Variants in RBM20 observed in about 807,000 individuals in gnomAD.
RBM20 encodes the protein RNA binding motif protein 20, also known as RNA-binding protein 20.
A neutral mutation model predicts 110.1 loss-of-function variants in RBM20; 51 were observed. The observed-to-expected ratio is 0.46, with a 90% CI of 0.37 to 0.59. The LOEUF is 0.59. RBM20 is among the 20% of genes least tolerant of loss of function. The pLI is 0.00. For synonymous variants in RBM20, 589 were observed against 618.2 expected, an observed-to-expected ratio of 0.95 and a Z score of 0.70; for missense variants, 1,512 against 1,574.9, an observed-to-expected ratio of 0.96 and a Z score of 0.68.
chr10:110,801,150 C>T (rs942036922), intron 7 of RBM20, among the ~76,000 whole-genome samples: 9 of 152,104 alleles, frequency 5.9e-5, no homozygotes, highest in East Asian at 1.9e-4. Flanking sequence ...AGTTTTCGGC[C>T]GGGCGTGGTG....
chr10:110,818,337 C>T (rs973008390), intron 9 of RBM20, among the ~76,000 whole-genome samples: 1 of 149,286 alleles, frequency 6.7e-6, no homozygotes, highest in Non-Finnish European at 1.5e-5. Context: ...AGGATGTGAT[C>T]ATTTTTGCAT....
chr10:110,767,206 C>T (rs1233555372), intron 1 of RBM20, among the ~76,000 whole-genome samples: 7 of 111,474 alleles, frequency 6.3e-5, no homozygotes, highest in African/African-American at 1.0e-4. Context: ...GCTGGCCGGG[C>T]GGGGGGGCTG....
intron 7 of RBM20, among the ~76,000 whole-genome samples, chr10:110,803,254 G>A (rs748725177): frequency 5.3e-5 from 8 of 152,170 alleles, no homozygotes; most frequent in Non-Finnish European, 8.8e-5. Context: ...TTAGCTACTG[G>A]AAGAGCTATG....
chr10:110,746,849 T>C (rs1006558429), intron 1 of RBM20, among the ~76,000 whole-genome samples: 1 of 152,222 alleles, frequency 6.6e-6, no homozygotes, highest in African/African-American at 2.4e-5. Context: ...TCGTTTGTAA[T>C]AAAAAAATTG....
At chr10:110,713,208 A>T (rs953318196) in intron 1 of RBM20, among the ~76,000 whole-genome samples, 2 of 152,258 alleles carry the variant, frequency 1.3e-5, no homozygotes, top group Admixed American at 6.5e-5. Flanking sequence ...TATGGAAAGA[A>T]ACCTGGCCAA....
chr10:110,820,087 C>A lies in RBM20; in HGVS notation c.2566C>A (p.Gln856Lys), dbSNP rs1045950607. ...MAENEAGKEE[Q>K]EGMEESPQSV... ...CTTTGATAAGGCTGGAAAAGAGGAA[C>A]AGGAGGGCATGGAAGAAAGCCCTCA... The change falls in exon 10 of 14, where the codon CAG becomes AAG. Residue 856 changes from glutamine to lysine, a missense_variant. Gln to Lys is a moderately conservative substitution (Grantham distance 53). Coordinates refer to ENST00000369519, the MANE Select transcript of RBM20 (RefSeq NM_001134363.3). 1.3e-6 allele frequency: 2 copies of A among 1,549,488 alleles called. No individual in the cohort carries two copies. Among genetic ancestry groups the A allele is most frequent in the South Asian group, 1.2e-5 (1 of 83,750 alleles).
chr10:110,684,413 A>ACAAAG (rs1862468814), intron 1 of RBM20, among the ~76,000 whole-genome samples: 1 of 151,440 alleles, frequency 6.6e-6, no homozygotes, highest in Non-Finnish European at 1.5e-5. Context: ...ACAAAACAAA[A>ACAAAG]CAAAACAAAA....
At chr10:110,808,188 CTCT>C (rs1190614618) in intron 7 of RBM20, among the ~76,000 whole-genome samples, 4 of 152,246 alleles carry the variant, frequency 2.6e-5, no homozygotes, top group Non-Finnish European at 4.4e-5. Flanking sequence ...CCAAGTGAGC[CTCT>C]TCTTCTACCC....
At chr10:110,729,432 G>A (rs1048356355) in intron 1 of RBM20, among the ~76,000 whole-genome samples, 8 of 152,228 alleles carry the variant, frequency 5.3e-5, no homozygotes, top group South Asian at 4.1e-4. Flanking sequence ...CTCCAGGTGA[G>A]GTTCACACCC....
intron 13 of RBM20, among the ~76,000 whole-genome samples, chr10:110,832,081 A>G (rs981219829): frequency 5.3e-5 from 8 of 152,378 alleles, no homozygotes; most frequent in Non-Finnish European, 1.2e-4. Flanking sequence ...CTTGAGATCA[A>G]TGAAATATGG....
intron 1 of RBM20, among the ~76,000 whole-genome samples, chr10:110,662,050 T>A (rs1862112592): frequency 2.0e-5 from 3 of 151,242 alleles, no homozygotes; most frequent in Admixed American, 2.0e-4. Flanking sequence ...TGGCAGAGTC[T>A]ATATGCTGTC....
chr10:110,647,393 A>C (rs1344674673), intron 1 of RBM20, among the ~76,000 whole-genome samples: 2 of 152,162 alleles, frequency 1.3e-5, no homozygotes, highest in African/African-American at 4.8e-5. Flanking sequence ...ATTAAGAATC[A>C]TCCATACCTT....
At chr10:110,783,637 A>G (rs1314943548) in intron 3 of RBM20, among the ~76,000 whole-genome samples, 1 of 152,234 alleles carries the variant, frequency 6.6e-6, no homozygotes, top group African/African-American at 2.4e-5. Context: ...CTGGTGGTAA[A>G]TGCTAGGCAG....
intron 1 of RBM20, among the ~76,000 whole-genome samples, chr10:110,704,180 A>G (rs1862800356): frequency 1.3e-5 from 2 of 152,234 alleles, no homozygotes; most frequent in South Asian, 4.1e-4. Context: ...TCCACTCAGC[A>G]TAATTTCCTG....
chr10:110,676,813 T>C (rs1342750764), intron 1 of RBM20, among the ~76,000 whole-genome samples: 3 of 152,176 alleles, frequency 2.0e-5, no homozygotes, highest in African/African-American at 7.2e-5. Context: ...TCAAATCCAA[T>C]ATTGGTTTTT....
chr10:110,764,453 T>C (rs1303373866), intron 1 of RBM20, among the ~76,000 whole-genome samples: 2 of 152,146 alleles, frequency 1.3e-5, no homozygotes, highest in Admixed American at 1.3e-4. Context: ...GCTTGGGTGT[T>C]GATATGTGAA....
At chr10:110,758,632 C>T (rs916635692) in intron 1 of RBM20, among the ~76,000 whole-genome samples, 1 of 152,176 alleles carries the variant, frequency 6.6e-6, no homozygotes, top group South Asian at 2.1e-4. Context: ...CAGCAGAACC[C>T]TCCACCTGCC....
At chr10:110,714,030 T>G (rs1862979859) in intron 1 of RBM20, among the ~76,000 whole-genome samples, 1 of 152,210 alleles carries the variant, frequency 6.6e-6, no homozygotes, top group Non-Finnish European at 1.5e-5. Flanking sequence ...CCATCTCCTG[T>G]GAGGACCTGG....
At chr10:110,715,163 G>A (rs998260932) in intron 1 of RBM20, among the ~76,000 whole-genome samples, 3 of 152,216 alleles carry the variant, frequency 2.0e-5, no homozygotes, top group South Asian at 2.1e-4. Context: ...TGGGAGAATC[G>A]CTTGAACCAG....
Sources: allele counts gnomAD v4.1 joint callset (sites outside exome capture counted in the v4.1 genomes callset), GRCh38; gene constraint gnomAD v4.1.1; transcripts MANE v1.5; gene names NCBI Gene and HGNC (gene_info 2026-07-23, HGNC 2026-07-21).